TNFSF4: variants seen among roughly 807,000 people sequenced by gnomAD.
The protein encoded by TNFSF4 is tumor necrosis factor ligand superfamily member 4.
A neutral mutation model predicts 7.3 loss-of-function variants in TNFSF4; 4 were observed. That is an observed-to-expected ratio of 0.55 (90% CI 0.27 to 1.25). The LOEUF is 1.25. Among genes scored for constraint, TNFSF4 ranks in the 50% most tolerant of loss-of-function variants. The pLI is 0.12. For missense variants in TNFSF4, 181 were observed against 208.8 expected, an observed-to-expected ratio of 0.87 and a Z score of 0.82; for synonymous variants, 76 against 83.7, an observed-to-expected ratio of 0.91 and a Z score of 0.50.
At chr1:173,227,988 T>A in the TNFSF4 span, among the ~76,000 whole-genome samples, 12 of 152,280 alleles carry the variant, frequency 7.9e-5, no homozygotes, top group East Asian at 2.3e-3. Flanking sequence ...CCTGCCTGCA[T>A]CTGTAGACTC....
rs1000470827 is a variant in TNFSF4 at position 173,207,123 on chromosome 1, T to C, written c.54A>G (p.Arg18=). 1 of 1,613,734 alleles carries C rather than the reference T, an allele frequency of 6.2e-7. No homozygotes were observed. Among genetic ancestry groups the C allele is most frequent in the Non-Finnish European group, 8.5e-7 (1 of 1,179,870 alleles). Residue 18 remains arginine, a synonymous_variant, in exon 1 of 3, where the codon AGA becomes AGG. Transcript: ENST00000281834. ...CCAGCAATAGCTTGTTCCTCTCGAA[T>C]CTTGGCCTGGCTGCATTTCCCACAT... ...EENVGNAARP[R]FERNKLLLVA... is the part of the protein sequence containing the mutation.
the TNFSF4 span, among the ~76,000 whole-genome samples, chr1:173,365,169 T>C: frequency 6.6e-6 from 1 of 151,578 alleles, no homozygotes. Context: ...AACACAAGAA[T>C]GCTAACAAAC....
chr1:173,381,721 A>G, the TNFSF4 span, among the ~76,000 whole-genome samples: 1 of 152,258 alleles, frequency 6.6e-6, no homozygotes, highest in Middle Eastern at 3.4e-3. Context: ...CCAATTCCCA[A>G]CAGCAGCTGG....
chr1:173,326,413 C>T, the TNFSF4 span, among the ~76,000 whole-genome samples: 2 of 152,214 alleles, frequency 1.3e-5, no homozygotes, highest in East Asian at 1.9e-4. Context: ...CAATATCATA[C>T]TGAATGGACA....
the TNFSF4 span, among the ~76,000 whole-genome samples, chr1:173,275,042 T>C: frequency 3.3e-5 from 5 of 152,126 alleles, no homozygotes; most frequent in African/African-American, 1.2e-4. Flanking sequence ...AGCAACAGCA[T>C]AGGTGCTAAG....
At chr1:173,413,199 G>GGA in the TNFSF4 span, among the ~76,000 whole-genome samples, 1 of 152,190 alleles carries the variant, frequency 6.6e-6, no homozygotes. Flanking sequence ...GGAAAATATA[G>GGA]GAGAGAGAGA....
the TNFSF4 span, among the ~76,000 whole-genome samples, chr1:173,329,480 G>A: frequency 1.3e-5 from 2 of 152,090 alleles, no homozygotes; most frequent in South Asian, 4.2e-4. Context: ...CATGGTTAAG[G>A]AGGGCCAACT....
the TNFSF4 span, among the ~76,000 whole-genome samples, chr1:173,405,337 A>G: frequency 6.6e-6 from 1 of 152,242 alleles, no homozygotes; most frequent in South Asian, 2.1e-4. Context: ...CAAATGTAAT[A>G]TAATCTTCAC....
At chr1:173,200,204 C>G (rs370515821) in intron 1 of TNFSF4, among the ~76,000 whole-genome samples, 2 of 152,200 alleles carry the variant, frequency 1.3e-5, no homozygotes, top group African/African-American at 4.8e-5. Context: ...CCAGGCATAA[C>G]AGAAGATAGG....
chr1:173,428,095 G>A, the TNFSF4 span, among the ~76,000 whole-genome samples: 8 of 151,802 alleles, frequency 5.3e-5, no homozygotes, highest in Non-Finnish European at 8.8e-5. Context: ...ACAGGCACCC[G>A]CCACCACACC....
At chr1:173,381,878 A>G in the TNFSF4 span, among the ~76,000 whole-genome samples, 1 of 152,172 alleles carries the variant, frequency 6.6e-6, no homozygotes, top group Non-Finnish European at 1.5e-5. Flanking sequence ...TAAATGCACC[A>G]AGCAGCACTC....
the TNFSF4 span, among the ~76,000 whole-genome samples, chr1:173,391,458 A>ACC: frequency 7.0e-6 from 1 of 142,720 alleles, no homozygotes; most frequent in Non-Finnish European, 1.6e-5. Context: ...AAAAAAAAAA[A>ACC]AAAAAAAAGT....
At chr1:173,361,580 C>A in the TNFSF4 span, among the ~76,000 whole-genome samples, 4 of 152,096 alleles carry the variant, frequency 2.6e-5, no homozygotes, top group Non-Finnish European at 4.4e-5. Context: ...GCCTGGGTGA[C>A]AGAGCAAGAC....
At chr1:173,207,932 C>T (rs1650256854), upstream of TNFSF4, among the ~76,000 whole-genome samples, 1 of 152,152 alleles carries the variant, frequency 6.6e-6, no homozygotes, top group African/African-American at 2.4e-5. Flanking sequence ...GAGGCAAATT[C>T]AATAAACAAT....
chr1:173,263,173 A>C, the TNFSF4 span, among the ~76,000 whole-genome samples: 1 of 152,380 alleles, frequency 6.6e-6, no homozygotes, highest in South Asian at 2.1e-4. Flanking sequence ...GCTCATGAAT[A>C]GGAAGAATCA....
the TNFSF4 span, among the ~76,000 whole-genome samples, chr1:173,213,510 A>C: frequency 0.028 from 4,295 of 152,326 alleles, 66 homozygotes; most frequent in Admixed American, 0.055. Context: ...GTGTGCAACG[A>C]CAAGAACATG....
chr1:173,334,353 C>T, the TNFSF4 span, among the ~76,000 whole-genome samples: 2 of 152,104 alleles, frequency 1.3e-5, no homozygotes, highest in Admixed American at 1.3e-4. Context: ...TTTCAGGTAT[C>T]GTTCTCAAAT....
At chr1:173,391,592 T>C in the TNFSF4 span, among the ~76,000 whole-genome samples, 1 of 152,080 alleles carries the variant, frequency 6.6e-6, no homozygotes, top group African/African-American at 2.4e-5. Context: ...CTTGAGCTAG[T>C]AAATCATCTT....
the TNFSF4 span, among the ~76,000 whole-genome samples, chr1:173,231,152 T>G: frequency 3.9e-5 from 6 of 152,172 alleles, no homozygotes; most frequent in East Asian, 9.6e-4. Context: ...AAAAAGAGAA[T>G]TTTAGACCAA....
Sources: gnomAD v4.1 joint callset for allele counts (sites outside exome capture counted in the v4.1 genomes callset) on GRCh38, gnomAD v4.1.1 for gene constraint, MANE v1.5 for transcripts, NCBI Gene and HGNC (gene_info 2026-07-23, HGNC 2026-07-21) for gene names.